The following ASTN1 variants were observed in gnomAD, a reference collection of about 807,000 sequenced individuals.
ASTN1 encodes the protein astrotactin-1.
In ASTN1, 41 loss-of-function variants were observed where a neutral mutation model predicts 140.7. The observed-to-expected ratio is 0.29, with a 90% CI of 0.23 to 0.38. ASTN1 has a LOEUF of 0.38. ASTN1 is among the 10% of genes least tolerant of loss of function. The pLI is 1.00. For missense variants in ASTN1, 1,479 were observed against 1,678.8 expected, an observed-to-expected ratio of 0.88 and a Z score of 2.08; for synonymous variants, 640 against 652.2, an observed-to-expected ratio of 0.98 and a Z score of 0.29.
intron 16 of ASTN1, among the ~76,000 whole-genome samples, chr1:176,931,150 G>A (rs1671189505): frequency 6.6e-6 from 1 of 152,190 alleles, no homozygotes; most frequent in Admixed American, 6.5e-5. Flanking sequence ...TTTCTGAAAT[G>A]TTTTACTTGC....
downstream of ASTN1, among the ~76,000 whole-genome samples, chr1:176,860,367 C>T (rs1316767520): frequency 6.6e-6 from 1 of 152,206 alleles, no homozygotes; most frequent in Non-Finnish European, 1.5e-5. Context: ...GGATTCTGAT[C>T]ATTACTTTTC....
At chr1:176,891,575 C>T (rs1014558598) in intron 17 of ASTN1, among the ~76,000 whole-genome samples, 2 of 152,206 alleles carry the variant, frequency 1.3e-5, no homozygotes, top group African/African-American at 4.8e-5. Flanking sequence ...TGGCGGATCA[C>T]CTGAGGTCGG....
At chr1:176,899,817 G>T (rs1411130205) in intron 16 of ASTN1, among the ~76,000 whole-genome samples, 1 of 152,078 alleles carries the variant, frequency 6.6e-6, no homozygotes, top group East Asian at 1.9e-4. Context: ...GATCACTATG[G>T]ACTTAAAATG....
At chr1:176,962,230 A>C (rs1020852111) in intron 9 of ASTN1, among the ~76,000 whole-genome samples, 1 of 152,220 alleles carries the variant, frequency 6.6e-6, no homozygotes, top group Non-Finnish European at 1.5e-5. Flanking sequence ...CACAGTGGAA[A>C]GGACTTCTTG....
chr1:177,000,947 C>T (rs551165892), intron 8 of ASTN1, among the ~76,000 whole-genome samples: 10 of 152,164 alleles, frequency 6.6e-5, no homozygotes, highest in Admixed American at 5.2e-4. Flanking sequence ...GAATTGTCAG[C>T]GATTCAGCTG....
chr1:176,887,936 A>G, intron 18 of ASTN1, 135 bp downstream of exon 18: 1 of 1,278,374 alleles, frequency 7.8e-7, no homozygotes, highest in Non-Finnish European at 1.1e-6. Context: ...CCCTTGGTAG[A>G]TTGAAAGCTC....
At chr1:177,023,690 A>C in intron 6 of ASTN1, 119 bp from the exon 7 acceptor site, 1 of 1,145,246 alleles carries the variant, frequency 8.7e-7, no homozygotes, top group Non-Finnish European at 1.2e-6. Flanking sequence ...CCTAACTCTC[A>C]CCATTCCTAG....
At position 177,085,655 on chromosome 1, in the gene ASTN1, C is replaced by G. The variant is rs114622014; in HGVS notation, c.284-24390G>C. 4.6e-3 allele frequency among the ~76,000 whole-genome samples: 704 copies of G among 152,262 alleles called. 4 individuals carry two copies. The highest frequency in any genetic ancestry group is 0.016 in the African/African-American group (682 of 41,564). ...AATGCAGCCCAGGTGGTAACATGCACCTGCACAACCCCTGCCTGCCAGGGT... is the reference window on the plus strand; with the variant it reads ...AATGCAGCCCAGGTGGTAACATGCAGCTGCACAACCCCTGCCTGCCAGGGT... On this transcript the variant is annotated intron_variant, in intron 1 of 22. Transcript: ENST00000361833.
chr1:177,121,467 C>T (rs780879176), intron 1 of ASTN1, among the ~76,000 whole-genome samples: 3 of 151,920 alleles, frequency 2.0e-5, no homozygotes, highest in Admixed American at 6.6e-5. Context: ...TATATGATGG[C>T]GGGCAAGTTA....
At chr1:177,012,188 G>A (rs906823278) in intron 8 of ASTN1, among the ~76,000 whole-genome samples, 5 of 152,122 alleles carry the variant, frequency 3.3e-5, no homozygotes, top group Admixed American at 6.5e-5. Context: ...TTTTCAATTC[G>A]AGTGACAGTC....
chr1:176,868,973 T>C lies in ASTN1; in HGVS notation c.3518A>G (p.Gln1173Arg). 1.2e-6 allele frequency: 2 copies of C among 1,612,324 alleles called. No homozygotes were observed. Among genetic ancestry groups the C allele is most frequent in the South Asian group, 1.1e-5 (1 of 90,768 alleles). ...CAGGAGGGTGTTGTAGGCGGTCTGC[T>C]GCTCCTTCCCACTAGTGTAGCCATT... Reference protein sequence around the residue: ...LFNGYTSGKEQQTAYNTLLDL... With the variant: ...LFNGYTSGKERQTAYNTLLDL... The change falls in exon 22 of 23, where the codon CAG becomes CGG. Residue 1173 changes from glutamine (Q) to arginine (R), a missense_variant. Physicochemically the swap from Gln to Arg is conservative, Grantham distance 43. Coordinates refer to ENST00000361833, the MANE Select transcript of ASTN1 (RefSeq NM_004319.3).
In ASTN1 at chr1:177,044,725, C is replaced by T. The variant is rs569971859; in HGVS notation, c.472-11876G>A. Among the ~76,000 whole-genome samples, 7 of 152,344 alleles carry T rather than the reference C, an allele frequency of 4.6e-5. 1 individual carries two copies. The South Asian group carries it at 1.4e-3, about 32-fold the overall frequency. On this transcript the variant is annotated intron_variant, in intron 2 of 22. Transcript: ENST00000361833. Reference sequence around the variant, plus strand: ...CAGTCAGGGGTTCTTGCTTCCAAGGCAACTGACAAGGCCGACATCATCCGC... The same window carrying T: ...CAGTCAGGGGTTCTTGCTTCCAAGGTAACTGACAAGGCCGACATCATCCGC...
intron 8 of ASTN1, among the ~76,000 whole-genome samples, chr1:176,978,789 A>G (rs1314211428): frequency 6.6e-6 from 1 of 152,214 alleles, no homozygotes; most frequent in Non-Finnish European, 1.5e-5. Flanking sequence ...GGGAGTCAAC[A>G]TAAAGGACAC....
intron 1 of ASTN1, among the ~76,000 whole-genome samples, chr1:177,100,032 T>G: frequency 6.6e-6 from 1 of 152,144 alleles, no homozygotes; most frequent in East Asian, 1.9e-4. Context: ...AGTTAAGTGA[T>G]TGTCCCAAGG....
intron 7 of ASTN1, among the ~76,000 whole-genome samples, chr1:177,016,709 C>T (rs1411712179): frequency 6.6e-6 from 1 of 152,094 alleles, no homozygotes; most frequent in Non-Finnish European, 1.5e-5. Flanking sequence ...GTTAGTCTTC[C>T]CCCATATGAG....
chr1:177,034,183 T>G (rs1211168736), intron 2 of ASTN1, among the ~76,000 whole-genome samples: 1 of 151,690 alleles, frequency 6.6e-6, no homozygotes, highest in Admixed American at 6.6e-5. Flanking sequence ...ATTTATAAAA[T>G]TTCTTTCCCT....
chr1:177,080,984 C>T (rs953100917), intron 1 of ASTN1, among the ~76,000 whole-genome samples: 1 of 152,120 alleles, frequency 6.6e-6, no homozygotes, highest in African/African-American at 2.4e-5. Flanking sequence ...TTATTTTTCT[C>T]GGACAATTAA....
At chr1:176,969,154 G>A (rs543123344) in intron 8 of ASTN1, among the ~76,000 whole-genome samples, 60 of 152,104 alleles carry the variant, frequency 3.9e-4, no homozygotes, top group Admixed American at 1.4e-3. Flanking sequence ...AAACCCCCCC[G>A]CCTCCCCGCC....
chr1:176,928,298 TA>T (rs1387367391), intron 16 of ASTN1, among the ~76,000 whole-genome samples: 1 of 152,044 alleles, frequency 6.6e-6, no homozygotes, highest in African/African-American at 2.4e-5. Context: ...TACTGGGAAA[TA>T]AGAGTGGGAA....
Sources: allele counts gnomAD v4.1 joint callset (sites outside exome capture counted in the v4.1 genomes callset), GRCh38; gene constraint gnomAD v4.1.1; transcripts MANE v1.5; gene names NCBI Gene and HGNC (gene_info 2026-07-23, HGNC 2026-07-21).